SEMA3A: variants seen among roughly 807,000 people sequenced by gnomAD.
SEMA3A encodes semaphorin 3A, also known as semaphorin-3A.
A neutral mutation model predicts 97.9 loss-of-function variants in SEMA3A; 29 were observed. The observed-to-expected ratio is 0.30, with a 90% CI of 0.22 to 0.40. The LOEUF is 0.40. Among genes scored for constraint, SEMA3A ranks in the 10% least tolerant of loss-of-function variants. SEMA3A has a pLI of 1.00. For missense variants in SEMA3A, 763 were observed against 951.3 expected, an observed-to-expected ratio of 0.80 and a Z score of 2.60; for synonymous variants, 321 against 323.7, an observed-to-expected ratio of 0.99 and a Z score of 0.09.
chr7:83,982,450 C>A (rs1311916745), intron 13 of SEMA3A, among the ~76,000 whole-genome samples: 2 of 152,094 alleles, frequency 1.3e-5, no homozygotes, highest in Non-Finnish European at 2.9e-5. Context: ...ATATTAGCTG[C>A]AAATTTATTT....
chr7:84,366,666 G>A (rs777261964), intron 2 of SEMA3A, among the ~76,000 whole-genome samples: 3 of 151,188 alleles, frequency 2.0e-5, no homozygotes, highest in Non-Finnish European at 4.4e-5. Context: ...CTTAATAGGT[G>A]AGCACTCCAA....
Position 84,011,064 on chromosome 7 carries a change from T to C in SEMA3A, c.953A>G (p.Asp318Gly). The change falls in exon 9 of 17, where the codon GAT (aspartate) becomes GGT (glycine). Residue 318 changes from aspartate to glycine, a missense_variant. By Grantham distance (94) the Asp-to-Gly change is moderately conservative (BLOSUM62 -1). Transcript: ENST00000265362. ...LQDVFLMNFK[D>G]PKNPVVYGVF... Reference sequence around the variant, plus strand: ...TCCATATACAACTGGATTTTTAGGATCTTTAAAGTTCATTAGGAATACATC... The same window carrying C: ...TCCATATACAACTGGATTTTTAGGACCTTTAAAGTTCATTAGGAATACATC... 1 of 1,612,602 alleles carries C rather than the reference T, an allele frequency of 6.2e-7. No homozygotes were observed. The highest frequency in any genetic ancestry group is 2.2e-5 in the East Asian group (1 of 44,852).
At chr7:83,999,822 G>T (rs1790366333) in intron 12 of SEMA3A, among the ~76,000 whole-genome samples, 1 of 152,090 alleles carries the variant, frequency 6.6e-6, no homozygotes, top group Non-Finnish European at 1.5e-5. Flanking sequence ...ATTTGCAACA[G>T]TAGTGGCAAA....
chr7:84,097,206 A>C (rs2115880157), intron 4 of SEMA3A, among the ~76,000 whole-genome samples: 1 of 152,264 alleles, frequency 6.6e-6, no homozygotes, highest in Admixed American at 6.5e-5. Flanking sequence ...AAAAGCACTT[A>C]AAAGGATCTT....
chr7:84,305,001 CAT>C (rs1245845358), intron 3 of SEMA3A, among the ~76,000 whole-genome samples: 1 of 151,688 alleles, frequency 6.6e-6, no homozygotes, highest in Non-Finnish European at 1.5e-5. Flanking sequence ...TAGAATCAAA[CAT>C]ATATGGAGCC....
At chr7:84,043,614 T>C (rs1319589006) in intron 6 of SEMA3A, among the ~76,000 whole-genome samples, 2 of 152,132 alleles carry the variant, frequency 1.3e-5, no homozygotes, top group African/African-American at 4.8e-5. Flanking sequence ...TATGCATGAA[T>C]GTGTAAACAT....
chr7:84,395,478 A>T (rs933124262), intron 1 of SEMA3A, among the ~76,000 whole-genome samples: 2 of 152,174 alleles, frequency 1.3e-5, no homozygotes, highest in Non-Finnish European at 2.9e-5. Context: ...GGAAGGTTTA[A>T]ACATTTGAAT....
chr7:84,079,308 T>C (rs2068616936), intron 4 of SEMA3A, among the ~76,000 whole-genome samples: 1 of 151,518 alleles, frequency 6.6e-6, no homozygotes, highest in African/African-American at 2.4e-5. Flanking sequence ...ACTTCATGTC[T>C]AAAACACCAA....
At chr7:84,449,583 C>T (rs1165217707) in intron 1 of SEMA3A, among the ~76,000 whole-genome samples, 3 of 152,036 alleles carry the variant, frequency 2.0e-5, no homozygotes, top group African/African-American at 7.2e-5. Context: ...AAAATCCTTC[C>T]CACACAGAAA....
intron 1 of SEMA3A, among the ~76,000 whole-genome samples, chr7:84,162,703 C>T (rs1015260578): frequency 3.4e-4 from 51 of 152,160 alleles, no homozygotes; most frequent in African/African-American, 1.2e-3. Context: ...TTACTGTTAA[C>T]TTACCCATAA....
In SEMA3A at chr7:84,211,854, G is replaced by T. The variant is rs111506511; in HGVS notation, c.-82-17186C>A. 2.0e-5 allele frequency among the ~76,000 whole-genome samples: 3 copies of T among 152,172 alleles called. No homozygotes were observed. The East Asian group carries it at 5.8e-4, about 29-fold the overall frequency. ...GAGACAAAAATTGGTCTATATGTGG[G>T]ATTCAAGATCAATGTAAAGACAAAA... On this transcript the variant is annotated intron_variant, in intron 3 of 3. Transcript: ENST00000424555.
chr7:84,120,968 A>G (rs192684892), intron 3 of SEMA3A, among the ~76,000 whole-genome samples: 1 of 152,240 alleles, frequency 6.6e-6, no homozygotes, highest in Non-Finnish European at 1.5e-5. Context: ...ACATGTGGTT[A>G]GTTGCATTAT....
intron 1 of SEMA3A, among the ~76,000 whole-genome samples, chr7:84,193,588 G>A (rs191412013): frequency 2.4e-3 from 367 of 152,062 alleles, no homozygotes; most frequent in Non-Finnish European, 4.3e-3. Context: ...GCCACTAAAT[G>A]TATGTATATC....
chr7:84,324,365 A>G (rs1801724759), intron 2 of SEMA3A, among the ~76,000 whole-genome samples: 1 of 152,174 alleles, frequency 6.6e-6, no homozygotes, highest in African/African-American at 2.4e-5. Context: ...GAGATTACTC[A>G]ACATTTCTAT....
At chr7:84,244,084 G>A (rs1799425828) in intron 3 of SEMA3A, among the ~76,000 whole-genome samples, 1 of 152,138 alleles carries the variant, frequency 6.6e-6, no homozygotes, top group African/African-American at 2.4e-5. Flanking sequence ...GATTTGGGGT[G>A]GAGAGTCCTG....
At chr7:84,111,330 T>C (rs1384861593) in intron 3 of SEMA3A, among the ~76,000 whole-genome samples, 1 of 152,176 alleles carries the variant, frequency 6.6e-6, no homozygotes, top group Non-Finnish European at 1.5e-5. Flanking sequence ...ACTCCCAAAG[T>C]CATTCTCTAT....
chr7:83,999,381 AAC>A (rs935875659), intron 12 of SEMA3A, among the ~76,000 whole-genome samples: 5 of 152,136 alleles, frequency 3.3e-5, no homozygotes, highest in African/African-American at 1.2e-4. Flanking sequence ...AATTCACGAA[AAC>A]ACAATATAAA....
At chr7:84,168,436 G>C (rs761647839) in intron 1 of SEMA3A, among the ~76,000 whole-genome samples, 46 of 152,006 alleles carry the variant, frequency 3.0e-4, no homozygotes, top group African/African-American at 9.4e-4. Context: ...TTTGCCAAAA[G>C]ATAAATATAT....
chr7:84,284,319 C>T (rs1037398045), intron 3 of SEMA3A, among the ~76,000 whole-genome samples: 1 of 152,168 alleles, frequency 6.6e-6, no homozygotes, highest in Admixed American at 6.6e-5. Context: ...GTTCTCCTGA[C>T]AGTCAAAGGA....
Sources: gnomAD v4.1 joint callset for allele counts (sites outside exome capture counted in the v4.1 genomes callset) on GRCh38, gnomAD v4.1.1 for gene constraint, MANE v1.5 for transcripts, NCBI Gene and HGNC (gene_info 2026-07-23, HGNC 2026-07-21) for gene names.